PRPH: variants seen among roughly 807,000 people sequenced by gnomAD.
PRPH encodes peripherin.
A neutral mutation model predicts 52.6 loss-of-function variants in PRPH; 48 were observed. The ratio of observed to expected loss-of-function variants is 0.91; its 90% CI spans 0.72 to 1.16. PRPH has a LOEUF of 1.16. Ranked by LOEUF, PRPH falls within the 50% of genes most tolerant of loss-of-function variation. The pLI is 0.00. For missense variants in PRPH, 579 were observed against 635.7 expected, an observed-to-expected ratio of 0.91 and a Z score of 0.96; for synonymous variants, 279 against 283.8, an observed-to-expected ratio of 0.98 and a Z score of 0.17.
Position 49,296,753 on chromosome 12 carries a change from C to G in PRPH, c.703-136C>G. ...GCCTCTGGTCTCGCGCCCGCGGGGG[C>G]GCAGGGCTGTACGCCCTGCCCTCCC... On this transcript the variant is annotated intron_variant, in intron 3 of 8. Transcript: ENST00000257860. This position sits in a 1 kb window ranked among gnomAD's most constrained non-coding sequence, Gnocchi z 5.1. 1.5e-6 allele frequency: 2 copies of G among 1,375,122 alleles called. No homozygotes were observed. Among genetic ancestry groups the G allele is most frequent in the Non-Finnish European group, 2.0e-6 (2 of 1,008,030 alleles). 85.2% of individuals were successfully genotyped at this position (1,375,122 alleles called of 1,614,324 possible). A position where few individuals can be genotyped will look rare whatever the true frequency, so the allele number is the denominator to read the frequency against.
At position 49,296,749 on chromosome 12, in the gene PRPH, G is replaced by A; in HGVS notation, c.703-140G>A. ...CCTGGCCTCTGGTCTCGCGCCCGCG[G>A]GGGCGCAGGGCTGTACGCCCTGCCC... On this transcript the variant is annotated intron_variant, in intron 3 of 8. Coordinates refer to ENST00000257860, the MANE Select transcript of PRPH (RefSeq NM_006262.4). This position sits in a 1 kb window ranked among gnomAD's most constrained non-coding sequence, Gnocchi z 5.1. 7.3e-7 allele frequency: 1 copy of A among 1,360,902 alleles called. No homozygotes were observed. The allele number at this position is 1,360,902 out of a possible 1,614,324, so 84.3% of individuals were successfully genotyped here. A position where few individuals can be genotyped will look rare whatever the true frequency, so the allele number is the denominator to read the frequency against.
rs889911701 is a variant in PRPH, at chr12:49,296,691, C to G, written c.702+164C>G. The G allele has an allele frequency of 2.7e-6, 3 of 1,131,414 alleles. No homozygotes were observed. In the East Asian group the frequency reaches 7.7e-5, roughly 29 times the overall value. The allele number at this position is 1,131,414 out of a possible 1,614,324, so 70.1% of individuals were successfully genotyped here. ...GGTTAGACTCCCACCCTTGCGCCAC[C>G]TGGCGGCGGGCAGCGGGGCTGTACC... On this transcript the variant is annotated intron_variant, in intron 3 of 8. Transcript: ENST00000257860. The surrounding 1 kb of genome is among the most constrained non-coding windows in gnomAD (Gnocchi z 5.1).
In PRPH at chr12:49,297,650, G is replaced by A. The variant is rs1388322037; in HGVS notation, c.1218-27G>A. ...CCGGGCAGGGCGGGGCCTGGGCAGGGGCGCTGACAACTTGCTTCGCCTCTA... is the reference window on the plus strand; with the variant it reads ...CCGGGCAGGGCGGGGCCTGGGCAGGAGCGCTGACAACTTGCTTCGCCTCTA... On this transcript the variant is annotated intron_variant, in intron 6 of 8. Coordinates refer to ENST00000257860, the MANE Select transcript of PRPH (RefSeq NM_006262.4). The surrounding 1 kb of genome is among the most constrained non-coding windows in gnomAD (Gnocchi z 4.4). 1.9e-6 allele frequency: 3 copies of A among 1,613,252 alleles called. No homozygotes were observed. Among genetic ancestry groups the A allele is most frequent in the Admixed American group, 1.7e-5 (1 of 60,030 alleles).
At position 49,297,369 on chromosome 12, in the gene PRPH, C is replaced by T. The variant is rs773707575; in HGVS notation, c.1009C>T (p.Leu337Phe). ...DGLRGTNEAL[L>F]RQLRELEEQF... ...TCTCCTACCCCAGAACGAGGCGCTG[C>T]TCAGGCAGTTGAGAGAGCTGGAGGA... is the stretch of plus-strand genomic sequence containing the variant. Residue 337 changes from leucine (L) to phenylalanine (F), a missense_variant, in exon 6 of 9, where the codon CTC (leucine) becomes TTC (phenylalanine). By Grantham distance (22) the Leu-to-Phe change is conservative. Coordinates refer to ENST00000257860, the MANE Select transcript of PRPH (RefSeq NM_006262.4). The surrounding 1 kb of genome is among the most constrained non-coding windows in gnomAD (Gnocchi z 4.4). 160 of 1,613,540 alleles carry T rather than the reference C, an allele frequency of 9.9e-5. No homozygotes were observed. Among genetic ancestry groups the T allele is most frequent in the Non-Finnish European group, 1.3e-4 (148 of 1,179,962 alleles).
In PRPH at chr12:49,298,481, C is replaced by A; in HGVS notation, c.*128C>A. The A allele has an allele frequency of 1.9e-6, 2 of 1,056,352 alleles. No homozygotes were observed. The highest frequency in any genetic ancestry group is 2.8e-6 in the Non-Finnish European group (2 of 705,866). The allele number at this position is 1,056,352 out of a possible 1,614,324, so 65.4% of individuals were successfully genotyped here. A position where few individuals can be genotyped will look rare whatever the true frequency, so the allele number is the denominator to read the frequency against. ...GTGGTACCAGGCATCCCTTTCCTGG[C>A]TTATGGCCAAGCCCTACCCGGCCAG... On this transcript the variant is annotated 3_prime_UTR_variant, in exon 9 of 9. Coordinates refer to ENST00000257860, the MANE Select transcript of PRPH (RefSeq NM_006262.4).
chr12:49,298,435 C>T lies in PRPH; in HGVS notation c.*82C>T. 2.8e-6 allele frequency: 4 copies of T among 1,446,650 alleles called. No homozygotes were observed. The highest frequency in any genetic ancestry group is 3.9e-6 in the Non-Finnish European group (4 of 1,034,680). 89.6% of individuals were successfully genotyped at this position (1,446,650 alleles called of 1,614,324 possible). A position where few individuals can be genotyped will look rare whatever the true frequency, so the allele number is the denominator to read the frequency against. On this transcript the variant is annotated 3_prime_UTR_variant, in exon 9 of 9. Coordinates refer to ENST00000257860, the MANE Select transcript of PRPH (RefSeq NM_006262.4). Reference sequence around the variant, plus strand: ...AGACCACTCCTGAATTGTCTCCTCTCCCTCTGCATGTGTCTAAAAGGTGGT... The same window carrying T: ...AGACCACTCCTGAATTGTCTCCTCTTCCTCTGCATGTGTCTAAAAGGTGGT...
In PRPH at chr12:49,295,537, G is replaced by C; in HGVS notation, c.337G>C (p.Glu113Gln). Residue 113 changes from glutamate to glutamine, a missense_variant, in exon 1 of 9, where the codon GAG (glutamate) becomes CAG (glutamine). Glu to Gln is a conservative substitution (Grantham distance 29, BLOSUM62 2). Transcript: ENST00000257860. ...ELNDRFANFI[E>Q]KVRFLEQQNA... ...CAACGACCGCTTCGCCAACTTCATCGAGAAGGTACGCTTTCTGGAGCAGCA... is the reference window on the plus strand; with the variant it reads ...CAACGACCGCTTCGCCAACTTCATCCAGAAGGTACGCTTTCTGGAGCAGCA... The C allele has an allele frequency of 1.3e-6, 2 of 1,591,804 alleles. No individual in the cohort carries two copies. Among genetic ancestry groups the C allele is most frequent in the East Asian group, 2.3e-5 (1 of 44,016 alleles).
chr12:49,297,938 C>A lies in PRPH; in HGVS notation c.1268-20C>A, dbSNP rs756491766. ...ATTCCCACGCCTTCCCCCTTGAACCCTTTATCCTGCTTTCTTCAGTGCCTG... is the reference window on the plus strand; with the variant it reads ...ATTCCCACGCCTTCCCCCTTGAACCATTTATCCTGCTTTCTTCAGTGCCTG... On this transcript the variant is annotated intron_variant, in intron 7 of 8. Transcript: ENST00000257860. The surrounding 1 kb of genome is among the most constrained non-coding windows in gnomAD (Gnocchi z 4.4). 4 of 1,613,844 alleles carry A rather than the reference C, an allele frequency of 2.5e-6. No homozygotes were observed. In the South Asian group the frequency reaches 4.4e-5, roughly 18 times the overall value.
In PRPH at chr12:49,296,374, C is replaced by A; in HGVS notation, c.607-58C>A. Reference sequence around the variant, plus strand: ...TGAGGCAGACAGGGAAGGCCTGGTCCTTCCTTGGTCTGCGCAGCCCCTAAC... The same window carrying A: ...TGAGGCAGACAGGGAAGGCCTGGTCATTCCTTGGTCTGCGCAGCCCCTAAC... On this transcript the variant is annotated intron_variant, in intron 2 of 8. Coordinates refer to ENST00000257860, the MANE Select transcript of PRPH (RefSeq NM_006262.4). The surrounding 1 kb of genome is among the most constrained non-coding windows in gnomAD (Gnocchi z 5.1). The A allele has an allele frequency of 6.3e-7, 1 of 1,591,194 alleles. No homozygotes were observed. Among genetic ancestry groups the A allele is most frequent in the Non-Finnish European group, 8.6e-7 (1 of 1,160,548 alleles).
rs1308554419 is a variant in PRPH, at chr12:49,297,325, T to C, written c.997-32T>C. ...CCGGGGAGCGGACGATGAAATGTTCTGCAACTGGCCCCTTCCACTCTCCTA... is the reference window on the plus strand; with the variant it reads ...CCGGGGAGCGGACGATGAAATGTTCCGCAACTGGCCCCTTCCACTCTCCTA... On this transcript the variant is annotated intron_variant, in intron 5 of 8. Transcript: ENST00000257860. The surrounding 1 kb of genome is among the most constrained non-coding windows in gnomAD (Gnocchi z 4.4). 6.2e-7 allele frequency: 1 copy of C among 1,613,750 alleles called. No individual in the cohort carries two copies. Among genetic ancestry groups the C allele is most frequent in the East Asian group, 2.2e-5 (1 of 44,876 alleles).
Position 49,296,905 on chromosome 12 carries a change from A to C in PRPH, c.719A>C (p.Gln240Pro). Residue 240 changes from glutamine (Q) to proline (P), a missense_variant, in exon 4 of 9, where the codon CAG becomes CCG. Coordinates refer to ENST00000257860, the MANE Select transcript of PRPH (RefSeq NM_006262.4). This position sits in a 1 kb window ranked among gnomAD's most constrained non-coding sequence, Gnocchi z 5.1. Reference protein sequence around the residue: ...KLHEEELRDLQVSVESQQVQQ... With the variant: ...KLHEEELRDLPVSVESQQVQQ... ...CGGCCGTAGGAGCTGCGAGACCTGC[A>C]GGTGAGTGTGGAGAGCCAGCAGGTG... 6.2e-7 allele frequency: 1 copy of C among 1,612,466 alleles called. No individual in the cohort carries two copies. The highest frequency in any genetic ancestry group is 1.1e-5 in the South Asian group (1 of 90,860).
At position 49,296,107 on chromosome 12, in the gene PRPH, G is replaced by A. The variant is rs1943174861; in HGVS notation, c.546-71G>A. The A allele has an allele frequency of 6.6e-7, 1 of 1,508,920 alleles. No homozygotes were observed. Among genetic ancestry groups the A allele is most frequent in the African/African-American group, 1.4e-5 (1 of 73,050 alleles). The allele number at this position is 1,508,920 out of a possible 1,614,324, so 93.5% of individuals were successfully genotyped here. ...AGAACAGCCTCTAACCGGATCCTGG[G>A]GGGCGTGCGGTCTGGGGTGCGAGCT... On this transcript the variant is annotated intron_variant, in intron 1 of 8. Transcript: ENST00000257860. This position sits in a 1 kb window ranked among gnomAD's most constrained non-coding sequence, Gnocchi z 5.1.
At position 49,295,385 on chromosome 12, in the gene PRPH, G is replaced by GC. The variant is rs1943161025; in HGVS notation, c.190dup (p.Arg64ProfsTer100). On this transcript the variant is annotated frameshift_variant, in exon 1 of 9. Transcript: ENST00000257860. LOFTEE classifies it high-confidence loss of function. ...TCGGTGCGCCTGGGCAGCTTCCGTA[G>GC]CCCCCGAGCGGGAGCGGGCGCCCTC... 1 of 1,607,086 alleles carries GC rather than the reference G, an allele frequency of 6.2e-7. No individual in the cohort carries two copies. Among genetic ancestry groups the GC allele is most frequent in the Non-Finnish European group, 8.5e-7 (1 of 1,177,758 alleles).
rs776897454 is a variant in PRPH, at chr12:49,297,258, C to T, written c.981C>T (p.Asp327=). The stretch of plus-strand genomic sequence containing the variant: ...TCCAGAGTCTAACGTGCGAGGTGGA[C>T]GGGCTGCGCGGCACGGTGAGTACGA... The part of the protein sequence containing the change: ...RQIQSLTCEV[D]GLRGTNEALL... The change falls in exon 5 of 9, where the codon GAC becomes GAT. Residue 327 remains aspartate (D), a synonymous_variant. Coordinates refer to ENST00000257860, the MANE Select transcript of PRPH (RefSeq NM_006262.4). The surrounding 1 kb of genome is among the most constrained non-coding windows in gnomAD (Gnocchi z 4.4). 1.2e-6 allele frequency: 2 copies of T among 1,613,946 alleles called. No homozygotes were observed. Among genetic ancestry groups the T allele is most frequent in the South Asian group, 1.1e-5 (1 of 91,080 alleles).
rs1328695269 is a variant in PRPH, at chr12:49,296,046, G to C, written c.546-132G>C. The C allele has an allele frequency of 4.2e-5, 55 of 1,316,078 alleles. No homozygotes were observed. The highest frequency in any genetic ancestry group is 5.8e-5 in the Non-Finnish European group (55 of 948,088). The allele number at this position is 1,316,078 out of a possible 1,614,324, so 81.5% of individuals were successfully genotyped here. ...GAGACAATGCGGGGCAATTCCATTA[G>C]ACAGCCTCAGCCCTCCATTTAGAGT... On this transcript the variant is annotated intron_variant, in intron 1 of 8. Coordinates refer to ENST00000257860, the MANE Select transcript of PRPH (RefSeq NM_006262.4). The surrounding 1 kb of genome is among the most constrained non-coding windows in gnomAD (Gnocchi z 5.1).
rs2137039228 is a variant in PRPH, at chr12:49,296,612, TG to T, written c.702+89del. ...GGCGGGTGGAGCGGAGGCATCGCCC[TG>T]GGGATCAGGACGATGCTGGGTAGAC... is the stretch of plus-strand genomic sequence containing the variant. On this transcript the variant is annotated intron_variant, in intron 3 of 8. Coordinates refer to ENST00000257860, the MANE Select transcript of PRPH (RefSeq NM_006262.4). This position sits in a 1 kb window ranked among gnomAD's most constrained non-coding sequence, Gnocchi z 5.1. 2 of 1,330,288 alleles carry T rather than the reference TG, an allele frequency of 1.5e-6. No individual in the cohort carries two copies. Among genetic ancestry groups the T allele is most frequent in the East Asian group, 4.7e-5 (2 of 42,354 alleles). The allele number at this position is 1,330,288 out of a possible 1,614,324, so 82.4% of individuals were successfully genotyped here. A position where few individuals can be genotyped will look rare whatever the true frequency, so the allele number is the denominator to read the frequency against.
rs1943193929 is a variant in PRPH at position 49,297,158 on chromosome 12, T to C, written c.881T>C (p.Leu294Pro). The C allele has an allele frequency of 1.2e-6, 2 of 1,613,874 alleles. No individual in the cohort carries two copies. The highest frequency in any genetic ancestry group is 1.7e-6 in the Non-Finnish European group (2 of 1,179,990). The change falls in exon 5 of 9, where the codon CTG becomes CCG. Residue 294 changes from leucine (L) to proline (P), a missense_variant. Coordinates refer to ENST00000257860, the MANE Select transcript of PRPH (RefSeq NM_006262.4). This position sits in a 1 kb window ranked among gnomAD's most constrained non-coding sequence, Gnocchi z 4.4. ...ACCCCCACTTCTCAGTACGCGGACC[T>C]GTCCGACGCTGCCAACCGGAACCAC... ...EEWYKSKYAD[L>P]SDAANRNHEA...
Position 49,297,119 on chromosome 12 carries a change from C to T in PRPH, c.871-29C>T, listed in dbSNP as rs1245259633. The T allele has an allele frequency of 6.2e-7, 1 of 1,613,972 alleles. No individual in the cohort carries two copies. The highest frequency in any genetic ancestry group is 1.1e-5 in the South Asian group (1 of 91,074). The stretch of plus-strand genomic sequence containing the variant: ...GGGTGGTGTCGCGCGTCCCAGCCGA[C>T]TAAAGCCTGGGTTACCCCCACTTCT... On this transcript the variant is annotated intron_variant, in intron 4 of 8. Transcript: ENST00000257860. The surrounding 1 kb of genome is among the most constrained non-coding windows in gnomAD (Gnocchi z 4.4).
Position 49,296,759 on chromosome 12 carries a change from GCT to G in PRPH, c.703-129_703-128del. On this transcript the variant is annotated intron_variant, in intron 3 of 8. Coordinates refer to ENST00000257860, the MANE Select transcript of PRPH (RefSeq NM_006262.4). This position sits in a 1 kb window ranked among gnomAD's most constrained non-coding sequence, Gnocchi z 5.1. ...GGTCTCGCGCCCGCGGGGGCGCAGG[GCT>G]GTACGCCCTGCCCTCCCTGGCGCCC... 11 of 1,420,602 alleles carry G rather than the reference GCT, an allele frequency of 7.7e-6. No homozygotes were observed. Among genetic ancestry groups the G allele is most frequent in the Non-Finnish European group, 1.1e-5 (11 of 1,044,588 alleles). The allele number at this position is 1,420,602 out of a possible 1,614,324, so 88.0% of individuals were successfully genotyped here.
Sources: allele counts gnomAD v4.1 joint callset, GRCh38; gene constraint gnomAD v4.1.1; non-coding constraint Gnocchi (gnomAD v3.1); transcripts MANE v1.5; gene names NCBI Gene and HGNC (gene_info 2026-07-23, HGNC 2026-07-21).